Variants in MYH10 observed in about 807,000 individuals in gnomAD.
The protein encoded by MYH10 is myosin heavy chain 10, also known as myosin-10.
A neutral mutation model predicts 257.8 loss-of-function variants in MYH10; 55 were observed. The observed-to-expected ratio is 0.21, with a 90% CI of 0.17 to 0.27. MYH10 has a LOEUF of 0.27. MYH10 is among the 10% of genes least tolerant of loss of function. The probability of loss-of-function intolerance (pLI) is 1.00; values close to 1 mark genes in which losing one functional copy is unlikely to be tolerated. For missense variants in MYH10, 1,631 were observed against 2,500.6 expected, an observed-to-expected ratio of 0.65 and a Z score of 7.42; for synonymous variants, 854 against 921.7, an observed-to-expected ratio of 0.93 and a Z score of 1.33.
intron 33 of MYH10, 26 bp from the exon 34 acceptor site, chr17:8,492,535 C>T (rs762554982): frequency 3.0e-5 from 48 of 1,579,902 alleles, no homozygotes; most frequent in Middle Eastern, 3.4e-4. Flanking sequence ...TGGGGGAATA[C>T]GAAAAACCGA....
chr17:8,583,134 C>A (rs1486452222), intron 4 of MYH10, among the ~76,000 whole-genome samples: 1 of 152,138 alleles, frequency 6.6e-6, no homozygotes, highest in Admixed American at 6.5e-5. Flanking sequence ...CTCATCAGGT[C>A]TTGGATAATG....
chr17:8,510,727 C>T (rs139344504), intron 24 of MYH10, among the ~76,000 whole-genome samples: 114 of 152,022 alleles, frequency 7.5e-4, no homozygotes, highest in African/African-American at 2.6e-3. Context: ...TATACATGTT[C>T]GGCCAAAGAA....
At chr17:8,507,672 G>C (rs1031440219) in intron 26 of MYH10, among the ~76,000 whole-genome samples, 4 of 152,162 alleles carry the variant, frequency 2.6e-5, no homozygotes, top group African/African-American at 9.7e-5. Flanking sequence ...CAGTACCAAA[G>C]TTAAAAAAGG....
intron 7 of MYH10, among the ~76,000 whole-genome samples, chr17:8,555,840 A>G (rs899804383): frequency 6.6e-6 from 1 of 152,362 alleles, no homozygotes; most frequent in East Asian, 1.9e-4. Context: ...TACCACAAAG[A>G]AAATGAAGAG....
intron 36 of MYH10, among the ~76,000 whole-genome samples, chr17:8,485,802 T>C (rs540985374): frequency 4.1e-4 from 63 of 152,176 alleles, no homozygotes; most frequent in Non-Finnish European, 7.8e-4. Context: ...AGGTACCATA[T>C]AACCCAGCTC....
At position 8,524,579 on chromosome 17, in the gene MYH10, C is replaced by A. The variant is rs188405354; in HGVS notation, c.1958-3294G>T. Among the ~76,000 whole-genome samples, 6 of 151,528 alleles carry A rather than the reference C, an allele frequency of 4.0e-5. No individual in the cohort carries two copies. In the East Asian group the frequency reaches 1.2e-3, roughly 29 times the overall value. On this transcript the variant is annotated intron_variant, in intron 17 of 42. Transcript: ENST00000360416. ...TGTTCTTCCTCCTGGGTTTCCTATCCAATGGAACCACTGACCAAAAGTGGT... is the reference window on the plus strand; with the variant it reads ...TGTTCTTCCTCCTGGGTTTCCTATCAAATGGAACCACTGACCAAAAGTGGT...
intron 7 of MYH10, chr17:8,561,346 C>T (rs532796801): frequency 1.5e-5 from 17 of 1,164,160 alleles, no homozygotes; most frequent in East Asian, 1.2e-4. Flanking sequence ...TTAAGAAATT[C>T]GTCATTCGAA....
intron 17 of MYH10, among the ~76,000 whole-genome samples, chr17:8,526,694 G>A (rs2081858874): frequency 6.6e-6 from 1 of 152,188 alleles, no homozygotes; most frequent in Non-Finnish European, 1.5e-5. Flanking sequence ...CAGTTTCATA[G>A]AAGGAATGGC....
At chr17:8,478,297 C>A in intron 41 of MYH10, 41 bp downstream of exon 41, 4 of 1,547,690 alleles carry the variant, frequency 2.6e-6, no homozygotes, top group Non-Finnish European at 3.6e-6. Flanking sequence ...CCACCAGTTC[C>A]TTTGCTCACG....
intron 28 of MYH10, among the ~76,000 whole-genome samples, chr17:8,502,900 G>C (rs925966601): frequency 2.6e-5 from 4 of 152,204 alleles, no homozygotes; most frequent in African/African-American, 9.6e-5. Flanking sequence ...GTTCAGCCAA[G>C]TCTAGTTCAG....
rs2081159870 is a variant in MYH10, at chr17:8,508,742, C to T, written c.3091-65G>A. ...GAATGACCACTTGGGTTCTGTATTC[C>T]TCATAAAGGTCAACTTTGACTCGAG... On this transcript the variant is annotated intron_variant, in intron 25 of 42. Coordinates refer to ENST00000360416, the MANE Select transcript of MYH10 (RefSeq NM_001256012.3). The T allele has an allele frequency of 7.5e-6, 12 of 1,590,004 alleles. No individual in the cohort carries two copies. In the South Asian group the frequency reaches 1.2e-4, roughly 16 times the overall value.
intron 3 of MYH10, among the ~76,000 whole-genome samples, chr17:8,600,191 G>C (rs1206432785): frequency 1.3e-5 from 2 of 152,196 alleles, no homozygotes; most frequent in African/African-American, 2.4e-5. Context: ...TTCATCCAGC[G>C]TGAGTTTTAC....
intron 25 of MYH10, 132 bp downstream of exon 25, chr17:8,509,680 G>A: frequency 1.2e-6 from 1 of 838,200 alleles, no homozygotes; most frequent in Non-Finnish European, 1.7e-6. Context: ...GACTTACAGA[G>A]AAAATTCAGT....
chr17:8,622,819 T>G (rs190994335), intron 2 of MYH10, 83 bp downstream of exon 2: 132 of 1,438,852 alleles, frequency 9.2e-5, no homozygotes, highest in Admixed American at 2.7e-4. Context: ...GTATTCCACA[T>G]TCTCATTTGA....
intron 2 of MYH10, among the ~76,000 whole-genome samples, chr17:8,612,349 C>G (rs1333814373): frequency 6.6e-6 from 1 of 152,032 alleles, no homozygotes; most frequent in African/African-American, 2.4e-5. Flanking sequence ...CTGCTAGGAT[C>G]TATGGGAAGA....
In MYH10 at chr17:8,577,358, T is replaced by C. The variant is rs1406345810; in HGVS notation, c.531-20A>G. On this transcript the variant is annotated intron_variant, in intron 4 of 42. Transcript: ENST00000360416. ...TCACCCCTGAAAGAAAGAGTTAATA[T>C]AGGCTGCTTTAACGAAAGCACAGCA... The C allele has an allele frequency of 1.5e-5, 24 of 1,569,382 alleles. 1 individual carries two copies. The highest frequency in any genetic ancestry group is 4.1e-5 in the African/African-American group (3 of 73,960).
intron 21 of MYH10, among the ~76,000 whole-genome samples, chr17:8,515,136 A>G (rs1417013711): frequency 1.3e-5 from 2 of 152,212 alleles, no homozygotes; most frequent in Non-Finnish European, 2.9e-5. Context: ...TGTTGAGTAA[A>G]TTAACTGGGT....
intron 21 of MYH10, among the ~76,000 whole-genome samples, chr17:8,517,489 C>T (rs2081509328): frequency 6.6e-6 from 1 of 152,206 alleles, no homozygotes; most frequent in Non-Finnish European, 1.5e-5. Context: ...TTCTCTCACT[C>T]CCAAACCCGA....
intron 23 of MYH10, among the ~76,000 whole-genome samples, chr17:8,513,272 A>G (rs776915251): frequency 6.6e-6 from 1 of 152,260 alleles, no homozygotes; most frequent in Non-Finnish European, 1.5e-5. Context: ...TGTTAAGTAC[A>G]TGCTTGACAC....
Sources: gnomAD v4.1 joint callset for allele counts (sites outside exome capture counted in the v4.1 genomes callset) on GRCh38, gnomAD v4.1.1 for gene constraint, MANE v1.5 for transcripts, NCBI Gene and HGNC (gene_info 2026-07-23, HGNC 2026-07-21) for gene names.